The following CSMD1 variants were observed in gnomAD, a reference collection of about 807,000 sequenced individuals.
CSMD1 encodes the protein CUB and Sushi multiple domains 1.
Under a neutral mutation model 417.5 loss-of-function variants are expected in CSMD1, and 213 were observed. That is an observed-to-expected ratio of 0.51 (90% CI 0.46 to 0.57). The LOEUF (loss-of-function observed/expected upper bound fraction) is 0.57, where lower values mean the gene tolerates loss of function less well. CSMD1 is among the 20% of genes least tolerant of loss of function. CSMD1 has a pLI of 0.00. For missense variants in CSMD1, 6,923 were observed against 4,529.7 expected, an observed-to-expected ratio of 1.53 and a Z score of -15.17; for synonymous variants, 2,862 against 1,736.8, an observed-to-expected ratio of 1.65 and a Z score of -16.11.
intron 12 of CSMD1, among the ~76,000 whole-genome samples, chr8:3,419,389 G>A (rs1813348290): frequency 6.6e-6 from 1 of 152,188 alleles, no homozygotes; most frequent in East Asian, 1.9e-4. Flanking sequence ...GATGAAGCCA[G>A]ATGAACAAAA....
intron 1 of CSMD1, among the ~76,000 whole-genome samples, chr8:4,868,441 G>C (rs1802543487): frequency 6.6e-6 from 1 of 151,956 alleles, no homozygotes; most frequent in African/African-American, 2.4e-5. Context: ...TTGCCACATT[G>C]ATCAGGCTGG....
chr8:4,910,156 A>G (rs552547686), intron 1 of CSMD1, among the ~76,000 whole-genome samples: 2 of 152,334 alleles, frequency 1.3e-5, no homozygotes, highest in Non-Finnish European at 1.5e-5. Flanking sequence ...TGCAGAACAT[A>G]TATTTCAAAT....
At chr8:3,113,476 G>C (rs4875249) in intron 42 of CSMD1, 115,535 of 152,224 alleles carry the variant, frequency 0.76, 45,429 homozygotes, top group East Asian at 0.95. Context: ...AGATAAGAAA[G>C]CTACATATTT....
chr8:4,156,634 A>C (rs1046297772), intron 3 of CSMD1, among the ~76,000 whole-genome samples: 3 of 152,116 alleles, frequency 2.0e-5, no homozygotes, highest in Non-Finnish European at 4.4e-5. Context: ...AGTTTTTGCT[A>C]TTTGGTGATA....
chr8:4,837,448 G>A (rs998238440), intron 1 of CSMD1, among the ~76,000 whole-genome samples: 1 of 152,120 alleles, frequency 6.6e-6, no homozygotes, highest in African/African-American at 2.4e-5. Flanking sequence ...CAACAACATG[G>A]ATGCAACTGG....
intron 5 of CSMD1, among the ~76,000 whole-genome samples, chr8:3,806,812 G>C (rs1302165598): frequency 6.6e-6 from 1 of 152,136 alleles, no homozygotes. Context: ...GCATAGTTCA[G>C]AACTACCTTT....
intron 9 of CSMD1, among the ~76,000 whole-genome samples, chr8:3,583,317 G>A (rs986948): frequency 0.38 from 57,638 of 151,238 alleles, 11,476 homozygotes; most frequent in Middle Eastern, 0.46. Flanking sequence ...TTTGGAACCG[G>A]GTTGTGGGTC....
intron 33 of CSMD1, among the ~76,000 whole-genome samples, chr8:3,199,167 G>T (rs1008755340): frequency 1.3e-5 from 2 of 152,210 alleles, no homozygotes; most frequent in East Asian, 3.9e-4. Context: ...TAAATTAAAA[G>T]ATAAGTATAA....
intron 5 of CSMD1, among the ~76,000 whole-genome samples, chr8:3,992,944 C>T (rs971560627): frequency 1.3e-5 from 2 of 152,186 alleles, no homozygotes; most frequent in African/African-American, 4.8e-5. Context: ...TGGGATAGGT[C>T]AAGTTCATAG....
intron 5 of CSMD1, among the ~76,000 whole-genome samples, chr8:3,950,701 A>T (rs756093): frequency 0.4 from 60,986 of 152,080 alleles, 12,408 homozygotes; most frequent in African/African-American, 0.45. Flanking sequence ...TATGGAGCAC[A>T]GGATAAAACT....
intron 62 of CSMD1, among the ~76,000 whole-genome samples, chr8:2,959,681 T>A (rs1387257308): frequency 7.2e-5 from 11 of 152,146 alleles, no homozygotes; most frequent in Non-Finnish European, 1.5e-4. Flanking sequence ...GCTGCAAGAT[T>A]AACATAGCCT....
At chr8:3,673,564 C>G (rs948290188) in intron 7 of CSMD1, among the ~76,000 whole-genome samples, 3 of 152,306 alleles carry the variant, frequency 2.0e-5, no homozygotes, top group Admixed American at 1.3e-4. Flanking sequence ...AGCCTACCCT[C>G]TCAGTATGCA....
At chr8:4,826,161 G>C (rs890329060) in intron 1 of CSMD1, among the ~76,000 whole-genome samples, 4 of 151,954 alleles carry the variant, frequency 2.6e-5, no homozygotes. Context: ...TTCAAATCAG[G>C]ATCTTGTAGA....
chr8:3,456,641 G>C (rs1376962729), intron 12 of CSMD1, among the ~76,000 whole-genome samples: 2 of 152,124 alleles, frequency 1.3e-5, no homozygotes, highest in African/African-American at 4.8e-5. Flanking sequence ...TAGTGGACGT[G>C]TTTCAGTATC....
At chr8:4,570,966 T>C (rs1798864808) in intron 2 of CSMD1, among the ~76,000 whole-genome samples, 1 of 152,222 alleles carries the variant, frequency 6.6e-6, no homozygotes, top group South Asian at 2.1e-4. Flanking sequence ...GTACTTTGTA[T>C]TTCTGTGGGA....
At chr8:3,264,007 GTTTATTTAAAGAGACTTCAGTTTTT>G (rs999845826) in intron 26 of CSMD1, among the ~76,000 whole-genome samples, 12 of 152,080 alleles carry the variant, frequency 7.9e-5, no homozygotes, top group Non-Finnish European at 1.6e-4. Context: ...TCCTTAATTT[GTTTATTTAAAGAGACTTCAGTTTTT>G]TTCATAGTAA....
At chr8:4,412,843 G>T (rs961059218) in intron 3 of CSMD1, among the ~76,000 whole-genome samples, 1 of 152,086 alleles carries the variant, frequency 6.6e-6, no homozygotes, top group South Asian at 2.1e-4. Context: ...AAATTGTAAT[G>T]GAAGAATGCC....
intron 10 of CSMD1, among the ~76,000 whole-genome samples, chr8:3,524,360 C>T (rs552569184): frequency 3.3e-5 from 5 of 151,140 alleles, no homozygotes; most frequent in Admixed American, 6.6e-5. Flanking sequence ...GAAAGACAGG[C>T]GCACACAAGT....
intron 16 of CSMD1, 24 bp from the exon 17 acceptor site, chr8:3,396,405 G>GA: frequency 1.3e-6 from 2 of 1,507,968 alleles, no homozygotes; most frequent in South Asian, 1.3e-5. Context: ...CATCCCATCA[G>GA]AAAAGACATG....
Sources: gnomAD v4.1 joint callset for allele counts (sites outside exome capture counted in the v4.1 genomes callset) on GRCh38, gnomAD v4.1.1 for gene constraint, MANE v1.5 for transcripts, NCBI Gene and HGNC (gene_info 2026-07-23, HGNC 2026-07-21) for gene names.